JARID2: variants seen among roughly 807,000 people sequenced by gnomAD.
JARID2 encodes jumonji and AT-rich interaction domain containing 2.
A neutral mutation model predicts 125.6 loss-of-function variants in JARID2; 21 were observed. The observed-to-expected ratio is 0.17, with a 90% CI of 0.12 to 0.24. The LOEUF is 0.24. JARID2 is among the 10% of genes least tolerant of loss of function. The pLI, the probability that JARID2 is intolerant of heterozygous loss-of-function variation, is 1.00. For synonymous variants in JARID2, 736 were observed against 661.6 expected (o/e 1.11, Z -1.73); for missense variants, 1,303 against 1,639.6 (o/e 0.79, Z 3.55).
intron 1 of JARID2, among the ~76,000 whole-genome samples, chr6:15,310,916 G>C (rs1007438129): frequency 6.6e-6 from 1 of 152,108 alleles, no homozygotes; most frequent in Admixed American, 6.5e-5. Flanking sequence ...AATTTTTGGT[G>C]CCCTGTTCAC....
At chr6:15,257,915 C>T (rs1480900556) in intron 1 of JARID2, among the ~76,000 whole-genome samples, 3 of 152,140 alleles carry the variant, frequency 2.0e-5, no homozygotes, top group African/African-American at 7.2e-5. Context: ...CAAAATTGCT[C>T]TAAGAACACA....
intron 1 of JARID2, among the ~76,000 whole-genome samples, chr6:15,274,774 G>GT (rs769723764): frequency 1.8e-4 from 27 of 152,082 alleles, no homozygotes; most frequent in Non-Finnish European, 3.8e-4. Context: ...GACTTTAGAG[G>GT]TATCCACTCC....
intron 1 of JARID2, among the ~76,000 whole-genome samples, chr6:15,313,012 A>G (rs1021266233): frequency 1.3e-5 from 2 of 152,202 alleles, no homozygotes; most frequent in African/African-American, 4.8e-5. Context: ...TGCAGCCTCC[A>G]GTTTCAGAAT....
intron 3 of JARID2, among the ~76,000 whole-genome samples, chr6:15,422,468 G>T (rs1302313321): frequency 6.6e-6 from 1 of 152,176 alleles, no homozygotes; most frequent in African/African-American, 2.4e-5. Context: ...ACAGAGCTAA[G>T]GAAGCGTTTT....
chr6:15,468,745 GA>G, intron 5 of JARID2, 27 bp downstream of exon 5: 3 of 1,591,160 alleles, frequency 1.9e-6, no homozygotes, highest in Non-Finnish European at 2.6e-6. Flanking sequence ...ACTTGGATAA[GA>G]AAAAATCTAA....
At chr6:15,478,777 C>A (rs1769473526) in intron 5 of JARID2, among the ~76,000 whole-genome samples, 1 of 152,134 alleles carries the variant, frequency 6.6e-6, no homozygotes, top group Non-Finnish European at 1.5e-5. Flanking sequence ...TCAAGCGATT[C>A]TCCTGCCTCA....
intron 1 of JARID2, among the ~76,000 whole-genome samples, chr6:15,320,140 A>G (rs538524513): frequency 2.5e-4 from 38 of 152,354 alleles, no homozygotes; most frequent in African/African-American, 7.0e-4. Context: ...CTTCTGATCT[A>G]TGTGGATCAG....
intron 1 of JARID2, among the ~76,000 whole-genome samples, chr6:15,343,716 C>A (rs1171859736): frequency 6.6e-6 from 1 of 152,092 alleles, no homozygotes; most frequent in Non-Finnish European, 1.5e-5. Flanking sequence ...GAAGCAGGGT[C>A]TGGTTAAGAT....
chr6:15,397,205 AAATAT>A (rs1183493324), intron 2 of JARID2, among the ~76,000 whole-genome samples: 9 of 150,098 alleles, frequency 6.0e-5, no homozygotes, highest in Non-Finnish European at 1.2e-4. Context: ...TTTGAAAGTC[AAATAT>A]TAGCACAGTA....
intron 2 of JARID2, among the ~76,000 whole-genome samples, chr6:15,390,848 A>T (rs574698613): frequency 1.3e-5 from 2 of 152,174 alleles, no homozygotes; most frequent in Admixed American, 1.3e-4. Flanking sequence ...CATCCCTGTA[A>T]GTATGTCCCA....
At chr6:15,264,221 G>A (rs796404773) in intron 1 of JARID2, among the ~76,000 whole-genome samples, 19 of 152,298 alleles carry the variant, frequency 1.2e-4, no homozygotes, top group African/African-American at 4.6e-4. Flanking sequence ...TGGTGTGGGT[G>A]TCTTTGCCTT....
intron 5 of JARID2, among the ~76,000 whole-genome samples, chr6:15,480,058 AATGAC>A (rs903594006): frequency 3.3e-5 from 5 of 152,222 alleles, no homozygotes; most frequent in Admixed American, 3.3e-4. Flanking sequence ...GATGCCTTGT[AATGAC>A]ATGAAGCGTA....
At position 15,354,379 on chromosome 6, in the gene JARID2, A is replaced by G. The variant is rs563863435; in HGVS notation, c.46-19738A>G. On this transcript the variant is annotated intron_variant, in intron 1 of 17. Coordinates refer to ENST00000341776, the MANE Select transcript of JARID2 (RefSeq NM_004973.4). ...ACCAGCACAGTGAAACTGATTTTGG[A>G]CTACTTACTTCCAGAACTGTAAGAA... Among the ~76,000 whole-genome samples, 6 of 152,332 alleles carry G rather than the reference A, an allele frequency of 3.9e-5. No homozygotes were observed. The South Asian group carries it at 1.2e-3, about 32-fold the overall frequency.
chr6:15,463,208 G>GA (rs962680476), intron 4 of JARID2, among the ~76,000 whole-genome samples: 4 of 152,132 alleles, frequency 2.6e-5, no homozygotes, highest in South Asian at 4.1e-4. Context: ...TGCTCCCCCT[G>GA]AAAAAAATCC....
At chr6:15,347,897 G>C (rs937155823) in intron 1 of JARID2, among the ~76,000 whole-genome samples, 1 of 152,138 alleles carries the variant, frequency 6.6e-6, no homozygotes, top group East Asian at 1.9e-4. Context: ...GATCACAGGT[G>C]CATGCCACCA....
At chr6:15,507,500 T>G in intron 11 of JARID2, 84 bp downstream of exon 11, 1 of 1,156,232 alleles carries the variant, frequency 8.6e-7, no homozygotes, top group Non-Finnish European at 1.3e-6. Flanking sequence ...AAATCCCTTC[T>G]AAGCACTGCC....
intron 2 of JARID2, among the ~76,000 whole-genome samples, chr6:15,403,158 T>A (rs1431630267): frequency 1.3e-5 from 2 of 152,212 alleles, no homozygotes; most frequent in African/African-American, 4.8e-5. Flanking sequence ...ACATTTATGT[T>A]CACAGTGGTG....
intron 4 of JARID2, among the ~76,000 whole-genome samples, chr6:15,454,551 C>T (rs531803899): frequency 2.0e-5 from 3 of 152,192 alleles, no homozygotes; most frequent in African/African-American, 2.4e-5. Context: ...AGTCATGGCT[C>T]TAAGCAGCCT....
chr6:15,282,695 C>T (rs995992288), intron 1 of JARID2, among the ~76,000 whole-genome samples: 4 of 152,262 alleles, frequency 2.6e-5, no homozygotes, highest in Non-Finnish European at 4.4e-5. Flanking sequence ...ACCTCCACCT[C>T]CTGGGTTCCT....
Sources: gnomAD v4.1 joint callset for allele counts (sites outside exome capture counted in the v4.1 genomes callset) on GRCh38, gnomAD v4.1.1 for gene constraint, MANE v1.5 for transcripts, NCBI Gene and HGNC (gene_info 2026-07-23, HGNC 2026-07-21) for gene names.